The following ATOSA variants were observed in gnomAD, a reference collection of about 807,000 sequenced individuals.
The protein encoded by ATOSA is atos homolog protein A.
chr15:52,701,872 G>T, the ATOSA span, among the ~76,000 whole-genome samples: 1 of 152,028 alleles, frequency 6.6e-6, no homozygotes, highest in South Asian at 2.1e-4. Flanking sequence ...GGCCAAGGTG[G>T]GAGGATCACT....
chr15:52,691,386 AAAC>A, the ATOSA span, among the ~76,000 whole-genome samples: 1 of 152,234 alleles, frequency 6.6e-6, no homozygotes, highest in South Asian at 2.1e-4. Context: ...CTGGGAACAC[AAAC>A]AACATTAGAA....
the ATOSA span, among the ~76,000 whole-genome samples, chr15:52,622,511 C>G: frequency 5.9e-5 from 9 of 152,122 alleles, no homozygotes; most frequent in Admixed American, 5.2e-4. Flanking sequence ...GGGCTTGGAG[C>G]TTATATTGTT....
the ATOSA span, among the ~76,000 whole-genome samples, chr15:52,595,309 TTATCATTTA>T: frequency 1.3e-5 from 2 of 152,148 alleles, no homozygotes; most frequent in Admixed American, 1.3e-4. Context: ...GGCAGGAACT[TTATCATTTA>T]AACTTTGTAT....
the ATOSA span, among the ~76,000 whole-genome samples, chr15:52,606,793 T>C: frequency 1.3e-5 from 2 of 152,110 alleles, no homozygotes; most frequent in South Asian, 2.1e-4. Context: ...AAATATAAAC[T>C]GGAAACATGG....
chr15:52,611,202 A>T, the ATOSA span: 1 of 1,613,926 alleles, frequency 6.2e-7, no homozygotes, highest in Non-Finnish European at 8.5e-7. Flanking sequence ...AAAAAACACA[A>T]ATGAGCGGAC....
chr15:52,687,497 T>C, the ATOSA span, among the ~76,000 whole-genome samples: 1 of 152,152 alleles, frequency 6.6e-6, no homozygotes, highest in African/African-American at 2.4e-5. Context: ...GAAGGAAAAG[T>C]TAATTCTCTC....
At chr15:52,609,292 G>C in the ATOSA span, 1 of 1,613,954 alleles carries the variant, frequency 6.2e-7, no homozygotes, top group Non-Finnish European at 8.5e-7. Flanking sequence ...GTGAGAAATG[G>C]AAACTGAGGA....
the ATOSA span, among the ~76,000 whole-genome samples, chr15:52,665,275 C>CG: frequency 1.3e-5 from 2 of 151,984 alleles, no homozygotes; most frequent in Admixed American, 6.6e-5. Flanking sequence ...GTTGAAATTA[C>CG]GGGGGTGAGG....
At chr15:52,581,912 G>A in the ATOSA span, 1 of 366,816 alleles carries the variant, frequency 2.7e-6, no homozygotes, top group South Asian at 1.2e-4. Flanking sequence ...CTAACTGGGG[G>A]TTTTGCTATT....
chr15:52,707,998 C>G, the ATOSA span, among the ~76,000 whole-genome samples: 1 of 152,106 alleles, frequency 6.6e-6, no homozygotes, highest in Admixed American at 6.6e-5. Flanking sequence ...AACCTTATTA[C>G]CAGAGGCTGA....
chr15:52,697,404 A>G, the ATOSA span, among the ~76,000 whole-genome samples: 1 of 152,220 alleles, frequency 6.6e-6, no homozygotes, highest in African/African-American at 2.4e-5. Context: ...CTTTCTCCAC[A>G]GTAACACCTC....
chr15:52,643,300 T>A, the ATOSA span, among the ~76,000 whole-genome samples: 1,541 of 152,230 alleles, frequency 0.01, 25 homozygotes, highest in African/African-American at 0.036. Context: ...TTGAACTTTT[T>A]AAAAAAACTG....
At chr15:52,666,468 G>A in the ATOSA span, among the ~76,000 whole-genome samples, 11,429 of 152,166 alleles carry the variant, frequency 0.075, 536 homozygotes, top group Middle Eastern at 0.13. Flanking sequence ...TTGTATATAG[G>A]GAGTTCATGT....
the ATOSA span, among the ~76,000 whole-genome samples, chr15:52,590,235 C>T: frequency 6.6e-6 from 1 of 152,142 alleles, no homozygotes; most frequent in African/African-American, 2.4e-5. Flanking sequence ...TGGTTAATTA[C>T]AAAGAAAGGA....
the ATOSA span, among the ~76,000 whole-genome samples, chr15:52,696,033 C>G: frequency 2.0e-5 from 3 of 152,120 alleles, no homozygotes; most frequent in Admixed American, 6.5e-5. Context: ...ATCATAAGGA[C>G]TGGTCATTGC....
chr15:52,665,999 C>T, the ATOSA span, among the ~76,000 whole-genome samples: 833 of 152,138 alleles, frequency 5.5e-3, 4 homozygotes, highest in Non-Finnish European at 8.6e-3. Flanking sequence ...TTAATATGTA[C>T]GTACATTTAC....
the ATOSA span, chr15:52,613,585 A>G: frequency 2.2e-6 from 3 of 1,336,848 alleles, no homozygotes; most frequent in South Asian, 4.5e-5. Context: ...TTGAAATATG[A>G]CAATTATAAC....
the ATOSA span, among the ~76,000 whole-genome samples, chr15:52,662,594 C>A: frequency 6.6e-6 from 1 of 151,964 alleles, no homozygotes; most frequent in African/African-American, 2.4e-5. Flanking sequence ...CACAGTGAAA[C>A]CCCGTCTCTA....
At chr15:52,593,224 C>G in the ATOSA span, among the ~76,000 whole-genome samples, 4 of 151,872 alleles carry the variant, frequency 2.6e-5, no homozygotes, top group African/African-American at 4.8e-5. Flanking sequence ...AAGGGCCATA[C>G]AGAAGCCTTA....
Sources: allele counts gnomAD v4.1 joint callset (sites outside exome capture counted in the v4.1 genomes callset), GRCh38; gene constraint gnomAD v4.1.1; transcripts MANE v1.5; gene names NCBI Gene and HGNC (gene_info 2026-07-23, HGNC 2026-07-21).